The following CHST2 variants were observed in gnomAD, a reference collection of about 807,000 sequenced individuals.
CHST2 encodes the protein carbohydrate sulfotransferase 2, also known as N-acetylglucosamine 6-O-sulfotransferase 1.
A neutral mutation model predicts 34.6 loss-of-function variants in CHST2; 23 were observed. The ratio of observed to expected loss-of-function variants is 0.67; its 90% confidence interval spans 0.48 to 0.94. CHST2 has a LOEUF of 0.94. Ranked by LOEUF, CHST2 falls within the 40% of genes least tolerant of loss-of-function variation. The pLI is 0.00. For synonymous variants in CHST2, 392 were observed against 343.1 expected, an observed-to-expected ratio of 1.14 and a Z score of -1.58; for missense variants, 720 against 759.5, an observed-to-expected ratio of 0.95 and a Z score of 0.61.
rs1936206508 is a variant in CHST2, at chr3:143,121,081, G to A, written c.265G>A (p.Asp89Asn). Residue 89 changes from aspartate (D) to asparagine (N), a missense_variant, in exon 2 of 2, where the codon GAT becomes AAT. Transcript: ENST00000309575. ...GGAGCCGCTGCAGCAGTGCAACCCC[G>A]ATGGGCCGCTGGGTGCCGCAGCGGG... ...HKEPLQQCNP[D>N]GPLGAAAGAA... 6.6e-7 allele frequency: 1 copy of A among 1,508,234 alleles called. No homozygotes were observed. Among genetic ancestry groups the A allele is most frequent in the South Asian group, 1.3e-5 (1 of 79,474 alleles). The allele number at this position is 1,508,234 out of a possible 1,614,324, so 93.4% of individuals were successfully genotyped here. A position where few individuals can be genotyped will look rare whatever the true frequency, so the allele number is the denominator to read the frequency against.
rs763369038 is a variant in CHST2 at position 143,122,338 on chromosome 3, T to C, written c.1522T>C (p.Tyr508His). 6.2e-7 allele frequency: 1 copy of C among 1,613,998 alleles called. No homozygotes were observed. The highest frequency in any genetic ancestry group is 8.5e-7 in the Non-Finnish European group (1 of 1,180,000). The change falls in exon 2 of 2, where the codon TAT becomes CAT. Residue 508 changes from tyrosine (Y) to histidine (H), a missense_variant. This residue lies in a region of CHST2 where 224 missense variants were observed against 227.8 expected (regional missense o/e 0.98). Transcript: ENST00000309575. ...CTACCAGCCCATGGCCGTCCTGGGCTATGAGCGGGTCAACAGCCCTGAGGA... is the reference window on the plus strand; with the variant it reads ...CTACCAGCCCATGGCCGTCCTGGGCCATGAGCGGGTCAACAGCCCTGAGGA... ...FCYQPMAVLG[Y>H]ERVNSPEEVK...
Position 143,122,440 on chromosome 3 carries a change from G to A in CHST2, c.*31G>A. On this transcript the variant is annotated 3_prime_UTR_variant, in exon 2 of 2. Transcript: ENST00000309575. ...GTTCCCAGGAGACCTGATTCCCTGTGGTGATACCTATAAAGAGGATCGTAG... is the reference window on the plus strand; with the variant it reads ...GTTCCCAGGAGACCTGATTCCCTGTAGTGATACCTATAAAGAGGATCGTAG... 1 of 1,518,296 alleles carries A rather than the reference G, an allele frequency of 6.6e-7. No homozygotes were observed. Among genetic ancestry groups the A allele is most frequent in the Non-Finnish European group, 8.8e-7 (1 of 1,135,448 alleles). 94.1% of individuals were successfully genotyped at this position (1,518,296 alleles called of 1,614,324 possible). A position where few individuals can be genotyped will look rare whatever the true frequency, so the allele number is the denominator to read the frequency against.
In CHST2 at chr3:143,122,249, A is replaced by C; in HGVS notation, c.1433A>C (p.Gln478Pro). ...GTGGTATCTGCACGCAATGCCACGC[A>C]GGCCGCCAATGCCTGGCGGACCGCC... The part of the protein sequence containing the change: ...PFVVSARNAT[Q>P]AANAWRTALT... The change falls in exon 2 of 2, where the codon CAG becomes CCG. Residue 478 changes from glutamine to proline, a missense_variant. Coordinates refer to ENST00000309575, the MANE Select transcript of CHST2 (RefSeq NM_004267.5). The C allele has an allele frequency of 6.2e-7, 1 of 1,614,156 alleles. No homozygotes were observed. The highest frequency in any genetic ancestry group is 8.5e-7 in the Non-Finnish European group (1 of 1,180,026).
rs1024350929 is a variant in CHST2, at chr3:143,122,646, C to T, written c.*237C>T. 9.9e-6 allele frequency: 4 copies of T among 405,250 alleles called. No individual in the cohort carries two copies. The Admixed American group carries it at 1.3e-4, about 13-fold the overall frequency. 25.1% of individuals were successfully genotyped at this position (405,250 alleles called of 1,614,324 possible). ...ACTTGAACGTTCTGACCAGGTGCCCCTCTTCTTCTTTGCCTTCTCTTGTCC... is the reference window on the plus strand; with the variant it reads ...ACTTGAACGTTCTGACCAGGTGCCCTTCTTCTTCTTTGCCTTCTCTTGTCC... On this transcript the variant is annotated 3_prime_UTR_variant, in exon 2 of 2. Transcript: ENST00000309575.
Position 143,122,357 on chromosome 3 carries a change from C to T in CHST2, c.1541C>T (p.Pro514Leu), listed in dbSNP as rs745643919. Residue 514 changes from proline to leucine, a missense_variant, in exon 2 of 2, where the codon CCT becomes CTT. Transcript: ENST00000309575. ...CTGGGCTATGAGCGGGTCAACAGCCCTGAGGAGGTCAAAGACCTCAGCAAG... is the reference window on the plus strand; with the variant it reads ...CTGGGCTATGAGCGGGTCAACAGCCTTGAGGAGGTCAAAGACCTCAGCAAG... ...AVLGYERVNS[P>L]EEVKDLSKTL... The T allele has an allele frequency of 1.2e-6, 2 of 1,612,864 alleles. No homozygotes were observed. Among genetic ancestry groups the T allele is most frequent in the Admixed American group, 1.7e-5 (1 of 59,758 alleles).
Position 143,121,008 on chromosome 3 carries a change from G to A in CHST2, c.192G>A (p.Leu64=). 6.5e-7 allele frequency: 1 copy of A among 1,541,330 alleles called. No individual in the cohort carries two copies. The highest frequency in any genetic ancestry group is 8.7e-7 in the Non-Finnish European group (1 of 1,144,608). Residue 64 remains leucine (L), a synonymous_variant, in exon 2 of 2, where the codon CTG becomes CTA. Coordinates refer to ENST00000309575, the MANE Select transcript of CHST2 (RefSeq NM_004267.5). ...TGGTGTTGTGCGCGGGCTATGCACTGCTGCTGGTGCTCACTATGCTCAACC... is the reference window on the plus strand; with the variant it reads ...TGGTGTTGTGCGCGGGCTATGCACTACTGCTGGTGCTCACTATGCTCAACC... The part of the protein sequence containing the change: ...KALVLCAGYA[L]LLVLTMLNLL...
Position 143,121,232 on chromosome 3 carries a change from C to T in CHST2, c.416C>T (p.Ala139Val), listed in dbSNP as rs1369278904. The change falls in exon 2 of 2, where the codon GCC becomes GTC. Residue 139 changes from alanine to valine, a missense_variant. Transcript: ENST00000309575. ...GCCGCCGTCGGGGCGGCTCCTGCAGCCGCGGCAGGGATGGCGGGGGTTGCG... is the reference window on the plus strand; with the variant it reads ...GCCGCCGTCGGGGCGGCTCCTGCAGTCGCGGCAGGGATGGCGGGGGTTGCG... Reference protein sequence around the residue: ...PAAAVGAAPAAAAGMAGVAAP... With the variant: ...PAAAVGAAPAVAAGMAGVAAP... 18 of 1,579,534 alleles carry T rather than the reference C, an allele frequency of 1.1e-5. No homozygotes were observed. Among genetic ancestry groups the T allele is most frequent in the Non-Finnish European group, 1.5e-5 (17 of 1,166,466 alleles).
At position 143,120,942 on chromosome 3, in the gene CHST2, C is replaced by G. The variant is rs1316323524; in HGVS notation, c.126C>G (p.Pro42=). 1 of 1,532,234 alleles carries G rather than the reference C, an allele frequency of 6.5e-7. No homozygotes were observed. The highest frequency in any genetic ancestry group is 8.8e-7 in the Non-Finnish European group (1 of 1,140,868). The allele number at this position is 1,532,234 out of a possible 1,614,324, so 94.9% of individuals were successfully genotyped here. The change falls in exon 2 of 2, where the codon CCC becomes CCG. Residue 42 remains proline, a synonymous_variant. Coordinates refer to ENST00000309575, the MANE Select transcript of CHST2 (RefSeq NM_004267.5). The surrounding 1 kb of genome is among the most constrained non-coding windows in gnomAD (Gnocchi z 4.1). ...QWPRRPGRRW[P]ASPLGMKVFR... ...CCCGGCGCCCAGGACGCCGCTGGCC[C>G]GCGTCCCCTCTCGGAATGAAGGTGT...
In CHST2 at chr3:143,123,938, GA is replaced by G. The variant is rs1578208782; in HGVS notation, c.*1532del. 1.3e-5 allele frequency: 2 copies of G among 152,208 alleles called. No individual in the cohort carries two copies. The highest frequency in any genetic ancestry group is 2.9e-5 in the Non-Finnish European group (2 of 68,042). 9.4% of individuals were successfully genotyped at this position (152,208 alleles called of 1,614,324 possible). The stretch of plus-strand genomic sequence containing the variant: ...TCTGCAGAATGTTATACTATGAGAA[GA>G]AATTGTGAAGCCCAAATGGGAACAA... On this transcript the variant is annotated 3_prime_UTR_variant, in exon 2 of 2. Transcript: ENST00000309575.
chr3:143,121,728 G>C lies in CHST2; in HGVS notation c.912G>C (p.Lys304Asn). ...GCAAGTACCGCACACTAGTCATAAA[G>C]GGTGTGCGCGTCTTCGACGTGGCGG... The part of the protein sequence containing the change: ...ECRKYRTLVI[K>N]GVRVFDVAVL... Residue 304 changes from lysine to asparagine, a missense_variant, in exon 2 of 2, where the codon AAG becomes AAC. By Grantham distance (94) the Lys-to-Asn change is moderately conservative. Around this residue, in one of 4 missense-constraint regions of CHST2, gnomAD observed 166 missense variants for 211.4 expected, o/e 0.79. Coordinates refer to ENST00000309575, the MANE Select transcript of CHST2 (RefSeq NM_004267.5). 6.3e-7 allele frequency: 1 copy of C among 1,599,068 alleles called. No homozygotes were observed.
rs1456583368 is a variant in CHST2, at chr3:143,121,912, A to C, written c.1096A>C (p.Met366Leu). ...VRSRDPRAHR[M>L]PFLEAAGHKL... is the part of the protein sequence containing the mutation. ...CAGCCGAGACCCGCGAGCTCACCGC[A>C]TGCCCTTCTTGGAGGCCGCGGGCCA... The change falls in exon 2 of 2, where the codon ATG (methionine) becomes CTG (leucine). Residue 366 changes from methionine to leucine, a missense_variant. Coordinates refer to ENST00000309575, the MANE Select transcript of CHST2 (RefSeq NM_004267.5). 3 of 1,579,366 alleles carry C rather than the reference A, an allele frequency of 1.9e-6. No homozygotes were observed. The highest frequency in any genetic ancestry group is 2.6e-6 in the Non-Finnish European group (3 of 1,161,452).
In CHST2 at chr3:143,120,865, C is replaced by T. The variant is rs1457138029; in HGVS notation, c.49C>T (p.Leu17=). 4 of 1,383,160 alleles carry T rather than the reference C, an allele frequency of 2.9e-6. No homozygotes were observed. The highest frequency in any genetic ancestry group is 6.2e-5 in the East Asian group (2 of 32,404). 85.7% of individuals were successfully genotyped at this position (1,383,160 alleles called of 1,614,324 possible). ...TCTGCCCCCGGGCGCGCTCCCTCGGCTGCTCCAGGCTGCGCCTGCAGCCGC... is the reference window on the plus strand; with the variant it reads ...TCTGCCCCCGGGCGCGCTCCCTCGGTTGCTCCAGGCTGCGCCTGCAGCCGC... ...RALPPGALPR[L]LQAAPAAAPR... The change falls in exon 2 of 2, where the codon CTG becomes TTG. Residue 17 remains leucine (L), a synonymous_variant. Transcript: ENST00000309575. This position sits in a 1 kb window ranked among gnomAD's most constrained non-coding sequence, Gnocchi z 4.1.
At position 143,122,266 on chromosome 3, in the gene CHST2, C is replaced by A. The variant is rs1302609527; in HGVS notation, c.1450C>A (p.Arg484=). 6.2e-7 allele frequency: 1 copy of A among 1,614,016 alleles called. No homozygotes were observed. Among genetic ancestry groups the A allele is most frequent in the Non-Finnish European group, 8.5e-7 (1 of 1,180,046 alleles). Reference sequence around the variant, plus strand: ...TGCCACGCAGGCCGCCAATGCCTGGCGGACCGCCCTCACCTTCCAGCAGAT... The same window carrying A: ...TGCCACGCAGGCCGCCAATGCCTGGAGGACCGCCCTCACCTTCCAGCAGAT... The part of the protein sequence containing the change: ...RNATQAANAW[R]TALTFQQIKQ... The change falls in exon 2 of 2, where the codon CGG becomes AGG. Residue 484 remains arginine, a synonymous_variant. Transcript: ENST00000309575.
In CHST2 at chr3:143,120,497, C is replaced by T. The variant is rs553770911; in HGVS notation, c.-218C>T. On this transcript the variant is annotated 5_prime_UTR_variant, in exon 1 of 2. Coordinates refer to ENST00000309575, the MANE Select transcript of CHST2 (RefSeq NM_004267.5). The surrounding 1 kb of genome is among the most constrained non-coding windows in gnomAD (Gnocchi z 4.1). Reference sequence around the variant, plus strand: ...AACGAGTGACAGCCGGACAGTCCGCCGGGCGGTGATCCGGGGCCGCTCCCG... The same window carrying T: ...AACGAGTGACAGCCGGACAGTCCGCTGGGCGGTGATCCGGGGCCGCTCCCG... 3 of 202,210 alleles carry T rather than the reference C, an allele frequency of 1.5e-5. No individual in the cohort carries two copies. The highest frequency in any genetic ancestry group is 2.3e-4 in the East Asian group (2 of 8,530). 12.5% of individuals were successfully genotyped at this position (202,210 alleles called of 1,614,324 possible). A position where few individuals can be genotyped will look rare whatever the true frequency, so the allele number is the denominator to read the frequency against.
In CHST2 at chr3:143,121,524, C is replaced by T. The variant is rs1219930200; in HGVS notation, c.708C>T (p.Pro236=). 3.1e-6 allele frequency: 5 copies of T among 1,610,338 alleles called. No homozygotes were observed. Among genetic ancestry groups the T allele is most frequent in the Non-Finnish European group, 3.4e-6 (4 of 1,178,190 alleles). ...CDLSVFQLYS[P]AGSGGRNLTT... ...TCTCTGTCTTCCAGTTGTATAGCCC[C>T]GCGGGCAGCGGGGGGCGCAACCTCA... Residue 236 remains proline (P), a synonymous_variant, in exon 2 of 2, where the codon CCC becomes CCT. Transcript: ENST00000309575.
At position 143,121,064 on chromosome 3, in the gene CHST2, T is replaced by C; in HGVS notation, c.248T>C (p.Leu83Pro). 6.6e-7 allele frequency: 1 copy of C among 1,519,972 alleles called. No homozygotes were observed. Among genetic ancestry groups the C allele is most frequent in the Non-Finnish European group, 8.8e-7 (1 of 1,135,714 alleles). 94.2% of individuals were successfully genotyped at this position (1,519,972 alleles called of 1,614,324 possible). A position where few individuals can be genotyped will look rare whatever the true frequency, so the allele number is the denominator to read the frequency against. The stretch of plus-strand genomic sequence containing the variant: ...GACTACAAGTGGCACAAGGAGCCGC[T>C]GCAGCAGTGCAACCCCGATGGGCCG... ...LLDYKWHKEP[L>P]QQCNPDGPLG... is the part of the protein sequence containing the mutation. Residue 83 changes from leucine to proline, a missense_variant, in exon 2 of 2, where the codon CTG becomes CCG. Coordinates refer to ENST00000309575, the MANE Select transcript of CHST2 (RefSeq NM_004267.5).
In CHST2 at chr3:143,121,853, A is replaced by G. The variant is rs1357367353; in HGVS notation, c.1037A>G (p.His346Arg). 1 of 1,585,514 alleles carries G rather than the reference A, an allele frequency of 6.3e-7. No homozygotes were observed. Among genetic ancestry groups the G allele is most frequent in the African/African-American group, 1.3e-5 (1 of 74,366 alleles). ...GCGAGTTCACGGATCCGCTCGCGCC[A>G]CGGCCTCATCCGTGAGAGCCTACAG... ...AVASSRIRSR[H>R]GLIRESLQVV... The change falls in exon 2 of 2, where the codon CAC becomes CGC. Residue 346 changes from histidine to arginine, a missense_variant. Transcript: ENST00000309575.
chr3:143,122,960 A>G lies in CHST2; in HGVS notation c.*551A>G, dbSNP rs989668194. ...ATTAATAAAGAAGATAATAAATAATATTCTTTTTAATATTTGCCTCCATTA... is the reference window on the plus strand; with the variant it reads ...ATTAATAAAGAAGATAATAAATAATGTTCTTTTTAATATTTGCCTCCATTA... On this transcript the variant is annotated 3_prime_UTR_variant, in exon 2 of 2. Transcript: ENST00000309575. 1 of 166,856 alleles carries G rather than the reference A, an allele frequency of 6.0e-6. No individual in the cohort carries two copies. The highest frequency in any genetic ancestry group is 2.4e-5 in the African/African-American group (1 of 41,450). 10.3% of individuals were successfully genotyped at this position (166,856 alleles called of 1,614,324 possible).
At position 143,121,167 on chromosome 3, in the gene CHST2, T is replaced by A. The variant is rs758734594; in HGVS notation, c.351T>A (p.His117Gln). The A allele has an allele frequency of 1.3e-6, 2 of 1,502,474 alleles. No homozygotes were observed. Among genetic ancestry groups the A allele is most frequent in the South Asian group, 2.6e-5 (2 of 76,028 alleles). 93.1% of individuals were successfully genotyped at this position (1,502,474 alleles called of 1,614,324 possible). ...GPPPAGPPRA[H>Q]ARLDLRTPYR... ...CTCCGGCCGGGCCGCCCCGTGCTCA[T>A]GCCCGTTTGGACCTCCGCACTCCTT... The change falls in exon 2 of 2, where the codon CAT (histidine) becomes CAA (glutamine). Residue 117 changes from histidine to glutamine, a missense_variant. His to Gln is a conservative substitution (Grantham distance 24, BLOSUM62 0). Around this residue, in one of 4 missense-constraint regions of CHST2, gnomAD observed 287 missense variants for 242.7 expected, o/e 1.18. Transcript: ENST00000309575.
Sources: allele counts gnomAD v4.1 joint callset, GRCh38; gene constraint gnomAD v4.1.1; regional missense constraint gnomAD v4.1.1; non-coding constraint Gnocchi (gnomAD v3.1); transcripts MANE v1.5; gene names NCBI Gene and HGNC (gene_info 2026-07-23, HGNC 2026-07-21).